NAV2: variants seen among roughly 807,000 people sequenced by gnomAD.
NAV2 encodes helicase, APC down-regulated 1.
In NAV2, 54 loss-of-function variants were observed where a neutral mutation model predicts 223.2. That is an observed-to-expected ratio of 0.24 (90% confidence interval 0.19 to 0.30). The LOEUF (loss-of-function observed/expected upper bound fraction) is 0.30. Among genes scored for constraint, NAV2 ranks in the 10% least tolerant of loss-of-function variants. The probability of loss-of-function intolerance (pLI) is 1.00; values close to 1 mark genes in which losing one functional copy is unlikely to be tolerated. For missense variants in NAV2, 2,806 were observed against 3,147.5 expected, an observed-to-expected ratio of 0.89 and a Z score of 2.60; for synonymous variants, 1,279 against 1,239.3, an observed-to-expected ratio of 1.03 and a Z score of -0.67.
chr11:20,022,743 G>A (rs946625237), intron 11 of NAV2: 1 of 1,090,056 alleles, frequency 9.2e-7, no homozygotes, highest in African/African-American at 1.6e-5. Flanking sequence ...TTGACCCGCT[G>A]TTGCAAACTC....
chr11:19,490,330 T>C (rs139240979), intron 1 of NAV2, among the ~76,000 whole-genome samples: 2 of 152,338 alleles, frequency 1.3e-5, no homozygotes, highest in African/African-American at 4.8e-5. Context: ...TAGCATGTGA[T>C]GCTATTTGAT....
At chr11:20,105,281 T>C in intron 34 of NAV2, 1 of 393,110 alleles carries the variant, frequency 2.5e-6, no homozygotes, top group Non-Finnish European at 4.5e-6. Context: ...AAAAGTTACA[T>C]GACCTGTCTG....
intron 1 of NAV2, among the ~76,000 whole-genome samples, chr11:19,829,688 T>C (rs910127390): frequency 6.6e-6 from 1 of 152,176 alleles, no homozygotes; most frequent in East Asian, 1.9e-4. Flanking sequence ...AAAGCAACTC[T>C]GTCAGTTCCA....
At chr11:20,063,638 G>A (rs929120175) in intron 20 of NAV2, among the ~76,000 whole-genome samples, 1 of 152,086 alleles carries the variant, frequency 6.6e-6, no homozygotes, top group Non-Finnish European at 1.5e-5. Flanking sequence ...GCCTCCCGAA[G>A]TGTTGGGATT....
In NAV2 at chr11:19,396,653, G is replaced by C. The variant is rs186407853; in HGVS notation, c.75+45626G>C. Among the ~76,000 whole-genome samples, 3 of 152,294 alleles carry C rather than the reference G, an allele frequency of 2.0e-5. No homozygotes were observed. The East Asian group carries it at 5.8e-4, about 29-fold the overall frequency. On this transcript the variant is annotated intron_variant, in intron 1 of 37. Transcript: ENST00000360655. ...GGTTCTCGGGCCCTGCTCTCTGCCA[G>C]TGCATCCCTTCTTAGGTGTTCACTG...
At chr11:19,534,557 A>T (rs979877358) in intron 1 of NAV2, among the ~76,000 whole-genome samples, 27 of 152,212 alleles carry the variant, frequency 1.8e-4, no homozygotes, top group Non-Finnish European at 3.5e-4. Flanking sequence ...TGTCTTGCAG[A>T]TGAGGAAAGA....
chr11:20,052,900 C>A (rs376408266), intron 17 of NAV2, among the ~76,000 whole-genome samples: 6 of 152,012 alleles, frequency 3.9e-5, no homozygotes, highest in African/African-American at 1.4e-4. Context: ...TCCGAGGATA[C>A]CCTGGCCACT....
At chr11:20,042,854 C>T (rs940214009) in intron 12 of NAV2, among the ~76,000 whole-genome samples, 2 of 152,180 alleles carry the variant, frequency 1.3e-5, no homozygotes, top group African/African-American at 4.8e-5. Flanking sequence ...CTGACATCCT[C>T]CAACTGGCCT....
intron 3 of NAV2, among the ~76,000 whole-genome samples, chr11:19,866,584 T>C (rs2062108101): frequency 6.6e-6 from 1 of 152,254 alleles, no homozygotes. Context: ...TCATGTACTT[T>C]AAATGATGCT....
chr11:19,415,339 A>G (rs899015214), intron 1 of NAV2, among the ~76,000 whole-genome samples: 4 of 152,234 alleles, frequency 2.6e-5, no homozygotes, highest in African/African-American at 4.8e-5. Context: ...AAACTGGAAA[A>G]TCTAGAAGAA....
chr11:19,518,576 G>A (rs1449008690), intron 1 of NAV2: 5 of 152,176 alleles, frequency 3.3e-5, no homozygotes, highest in Non-Finnish European at 7.4e-5. Flanking sequence ...CCTGCCTTTT[G>A]TTGGGCTTTT....
At chr11:19,513,216 C>G (rs1325825811) in intron 1 of NAV2, among the ~76,000 whole-genome samples, 1 of 152,194 alleles carries the variant, frequency 6.6e-6, no homozygotes, top group Non-Finnish European at 1.5e-5. Flanking sequence ...TTTATCTCTT[C>G]CAGTGTGTCA....
chr11:19,881,611 T>G (rs1159491474), intron 5 of NAV2, among the ~76,000 whole-genome samples: 1 of 152,178 alleles, frequency 6.6e-6, no homozygotes, highest in Non-Finnish European at 1.5e-5. Flanking sequence ...ATTTGTTTAT[T>G]TAATTGGTAT....
At chr11:19,419,913 G>A (rs1369816629) in intron 1 of NAV2, among the ~76,000 whole-genome samples, 1 of 152,210 alleles carries the variant, frequency 6.6e-6, no homozygotes, top group Non-Finnish European at 1.5e-5. Flanking sequence ...GCCTTTGGCA[G>A]TTTGCTGTGA....
At position 19,580,325 on chromosome 11, in the gene NAV2, T is replaced by A. The variant is rs115448590; in HGVS notation, c.75+229298T>A. Among the ~76,000 whole-genome samples, 269 of 148,244 alleles carry A rather than the reference T, an allele frequency of 1.8e-3. 1 individual carries two copies. Among genetic ancestry groups the A allele is most frequent in the African/African-American group, 6.9e-3 (259 of 37,754 alleles). Reference sequence around the variant, plus strand: ...GGGAATTTCTCTGGGAAGTATCACATTTTTCTTTCTTTTTTTTTTAATTTA... The same window carrying A: ...GGGAATTTCTCTGGGAAGTATCACAATTTTCTTTCTTTTTTTTTTAATTTA... On this transcript the variant is annotated intron_variant, in intron 1 of 37. Coordinates refer to the NAV2 transcript ENST00000360655.
intron 10 of NAV2, among the ~76,000 whole-genome samples, chr11:19,979,538 C>A (rs1285121441): frequency 6.6e-6 from 1 of 152,232 alleles, no homozygotes; most frequent in Non-Finnish European, 1.5e-5. Context: ...GCAAACTCCT[C>A]CGCACCCTTT....
At chr11:19,794,624 T>C (rs977046339) in intron 1 of NAV2, among the ~76,000 whole-genome samples, 1 of 152,222 alleles carries the variant, frequency 6.6e-6, no homozygotes, top group African/African-American at 2.4e-5. Flanking sequence ...CTTCATCCTG[T>C]CCTGTTAGCA....
rs202166702 is a variant in NAV2 at position 19,740,564 on chromosome 11, T to TA, written c.267+26611dup. 6.3e-4 allele frequency among the ~76,000 whole-genome samples: 95 copies of TA among 150,552 alleles called. No homozygotes were observed. In the East Asian group the frequency reaches 7.8e-3, roughly 12 times the overall value. ...ACACCCAAGAATGATCAATAAATAC[T>TA]AAAAAAAAATAAAAATAAAAATAAA... On this transcript the variant is annotated intron_variant, in intron 1 of 37. Transcript: ENST00000349880.
At chr11:19,924,463 C>T (rs1327624631) in intron 6 of NAV2, among the ~76,000 whole-genome samples, 11 of 152,130 alleles carry the variant, frequency 7.2e-5, no homozygotes. Flanking sequence ...CTCCAGCTGT[C>T]GAGGGCCTCT....
Sources: allele counts gnomAD v4.1 joint callset (sites outside exome capture counted in the v4.1 genomes callset), GRCh38; gene constraint gnomAD v4.1.1; transcripts MANE v1.5; gene names NCBI Gene and HGNC (gene_info 2026-07-23, HGNC 2026-07-21).